HS3ST3A1: variants seen among roughly 807,000 people sequenced by gnomAD.
HS3ST3A1 encodes heparan sulfate-glucosamine 3-sulfotransferase 3A1.
A neutral mutation model predicts 25.7 loss-of-function variants in HS3ST3A1; 19 were observed. That is an observed-to-expected ratio of 0.74 (90% CI 0.52 to 1.08). The LOEUF (loss-of-function observed/expected upper bound fraction) is 1.08, where lower values mean the gene tolerates loss of function less well. Among genes scored for constraint, HS3ST3A1 ranks in the 50% least tolerant of loss-of-function variants. HS3ST3A1 has a pLI of 0.00. For missense variants in HS3ST3A1, 459 were observed against 594.3 expected (o/e 0.77, Z 2.37); for synonymous variants, 226 against 278.6 (o/e 0.81, Z 1.88).
intron 1 of HS3ST3A1, among the ~76,000 whole-genome samples, chr17:13,519,827 C>G (rs148731637): frequency 6.0e-4 from 91 of 152,134 alleles, no homozygotes; most frequent in Non-Finnish European, 4.9e-4. Flanking sequence ...TGATTGCTCA[C>G]CCCACATTAA....
intron 1 of HS3ST3A1, among the ~76,000 whole-genome samples, chr17:13,588,397 G>A (rs1908334490): frequency 6.6e-6 from 1 of 152,158 alleles, no homozygotes; most frequent in African/African-American, 2.4e-5. Context: ...AAGAATTGAA[G>A]TTTAGAATCC....
At position 13,496,893 on chromosome 17, in the gene HS3ST3A1, T is replaced by G. The variant is rs1029393426; in HGVS notation, c.600-75A>C. The G allele has an allele frequency of 1.3e-4, 205 of 1,540,706 alleles. 1 individual carries two copies. In the African/African-American group the frequency reaches 2.6e-3, roughly 20 times the overall value. ...CCAGGAGAGACTGTCAAGTACACGCTGGAGCCAGGCCGCAATTCCAGCCCC... is the reference window on the plus strand; with the variant it reads ...CCAGGAGAGACTGTCAAGTACACGCGGGAGCCAGGCCGCAATTCCAGCCCC... On this transcript the variant is annotated intron_variant, in intron 1 of 1. Transcript: ENST00000284110.
intron 1 of HS3ST3A1, among the ~76,000 whole-genome samples, chr17:13,564,193 A>G (rs1907619952): frequency 6.6e-6 from 1 of 152,212 alleles, no homozygotes. Flanking sequence ...ATGCTCAGCA[A>G]CATGCATTTT....
At chr17:13,497,263 G>A (rs934829783) in intron 1 of HS3ST3A1, among the ~76,000 whole-genome samples, 1 of 152,114 alleles carries the variant, frequency 6.6e-6, no homozygotes, top group Non-Finnish European at 1.5e-5. Flanking sequence ...TATAAACAAA[G>A]CAATCATATT....
In HS3ST3A1 at chr17:13,556,850, T is replaced by TTA. The variant is rs1567623096; in HGVS notation, c.599+43680_599+43681insTA. Among the ~76,000 whole-genome samples the TTA allele has an allele frequency of 2.4e-5, 3 of 124,920 alleles. 1 individual carries two copies. The highest frequency in any genetic ancestry group is 8.3e-5 in the Admixed American group (1 of 12,012). The allele number at this position is 124,920 out of a possible 152,430, so 82.0% of individuals were successfully genotyped here. On this transcript the variant is annotated intron_variant, in intron 1 of 1. Transcript: ENST00000284110. ...CTGGGCGAAAGAGCGAAACTCCGCC[T>TTA]AAAAAAAAAAAAAAAAGCAAGATGA... is the stretch of plus-strand genomic sequence containing the variant.
rs767510358 is a variant in HS3ST3A1 at position 13,494,173 on chromosome 17, G to A, written c.*2024C>T. Among the ~76,000 whole-genome samples, 1 of 152,204 alleles carries A rather than the reference G, an allele frequency of 6.6e-6. No homozygotes were observed. The highest frequency in any genetic ancestry group is 1.5e-5 in the Non-Finnish European group (1 of 68,032). ...AAAGAATCAGTTGTACAAACAAAATGAGCTAAGAGAAATGATGACAAGAGT... is the reference window on the plus strand; with the variant it reads ...AAAGAATCAGTTGTACAAACAAAATAAGCTAAGAGAAATGATGACAAGAGT... On this transcript the variant is annotated 3_prime_UTR_variant, in exon 2 of 2. Transcript: ENST00000284110.
At chr17:13,579,624 T>C (rs1041391382) in intron 1 of HS3ST3A1, among the ~76,000 whole-genome samples, 5 of 145,162 alleles carry the variant, frequency 3.4e-5, no homozygotes, top group African/African-American at 7.7e-5. Flanking sequence ...TTGGTTGAAC[T>C]TGGGAGGCGG....
chr17:13,500,215 A>G (rs917965008), intron 1 of HS3ST3A1, among the ~76,000 whole-genome samples: 69 of 152,362 alleles, frequency 4.5e-4, no homozygotes, highest in Admixed American at 1.3e-3. Context: ...CAAAATGTCT[A>G]TAACTTGGAA....
chr17:13,527,163 G>C (rs1181689883), intron 1 of HS3ST3A1, among the ~76,000 whole-genome samples: 1 of 152,098 alleles, frequency 6.6e-6, no homozygotes, highest in Non-Finnish European at 1.5e-5. Context: ...CAGACAGCCT[G>C]GGTCTGCACT....
chr17:13,576,460 G>A (rs147576645), intron 1 of HS3ST3A1, among the ~76,000 whole-genome samples: 60 of 152,306 alleles, frequency 3.9e-4, no homozygotes, highest in Middle Eastern at 6.8e-3. Flanking sequence ...GACAGAGAAC[G>A]CACTCAAGAC....
At chr17:13,583,605 AT>A (rs972247796) in intron 1 of HS3ST3A1, among the ~76,000 whole-genome samples, 21 of 152,252 alleles carry the variant, frequency 1.4e-4, no homozygotes, top group African/African-American at 4.8e-4. Flanking sequence ...CTACCCTTAG[AT>A]TTTTTTATCA....
chr17:13,509,180 A>G (rs1220913280), intron 1 of HS3ST3A1, among the ~76,000 whole-genome samples: 2 of 152,198 alleles, frequency 1.3e-5, no homozygotes, highest in East Asian at 1.9e-4. Context: ...GCCTTCAGTA[A>G]TAAGTGCCCA....
At chr17:13,542,776 G>T (rs571688273) in intron 1 of HS3ST3A1, among the ~76,000 whole-genome samples, 3 of 152,242 alleles carry the variant, frequency 2.0e-5, no homozygotes, top group Non-Finnish European at 2.9e-5. Flanking sequence ...CCTCAGGATG[G>T]GGGATGGTTG....
At chr17:13,588,231 C>G (rs1407795215) in intron 1 of HS3ST3A1, among the ~76,000 whole-genome samples, 1 of 151,998 alleles carries the variant, frequency 6.6e-6, no homozygotes, top group Non-Finnish European at 1.5e-5. Context: ...ACTGTACCAC[C>G]CACAAAACCT....
intron 1 of HS3ST3A1, 84 bp downstream of exon 1, chr17:13,600,447 G>A (rs1031246644): frequency 6.9e-7 from 1 of 1,440,774 alleles, no homozygotes; most frequent in African/African-American, 1.5e-5. Context: ...AGGGCGAACT[G>A]GGGGTCACCG....
Position 13,526,000 on chromosome 17 carries a change from G to A in HS3ST3A1, c.600-29182C>T, listed in dbSNP as rs76748302. Among the ~76,000 whole-genome samples the A allele has an allele frequency of 2.6e-3, 399 of 152,210 alleles. 4 individuals carry two copies. The highest frequency in any genetic ancestry group is 9.1e-3 in the African/African-American group (380 of 41,550). On this transcript the variant is annotated intron_variant, in intron 1 of 1. Coordinates refer to ENST00000284110, the MANE Select transcript of HS3ST3A1 (RefSeq NM_006042.3). ...GGCTGGCTGCACTAAGCCCCCAGCT[G>A]TACTTGACATGATATCCTAGGAGAC...
intron 1 of HS3ST3A1, among the ~76,000 whole-genome samples, chr17:13,542,664 C>T (rs1335366898): frequency 2.0e-5 from 3 of 151,944 alleles, no homozygotes; most frequent in East Asian, 1.9e-4. Context: ...ATTTGGTCTT[C>T]CTGTTTCCTG....
In HS3ST3A1 at chr17:13,523,650, C is replaced by T. The variant is rs189914686; in HGVS notation, c.600-26832G>A. Among the ~76,000 whole-genome samples the T allele has an allele frequency of 4.6e-5, 7 of 152,150 alleles. No individual in the cohort carries two copies. In the East Asian group the frequency reaches 1.2e-3, roughly 25 times the overall value. ...AAAATAGATAAGAGTTAGTTTTACA[C>T]GGAAAAATCTCCAATAGTTTTCTCT... On this transcript the variant is annotated intron_variant, in intron 1 of 1. Transcript: ENST00000284110.
At chr17:13,562,567 C>A (rs1034915381) in intron 1 of HS3ST3A1, among the ~76,000 whole-genome samples, 1 of 150,998 alleles carries the variant, frequency 6.6e-6, no homozygotes, top group African/African-American at 2.4e-5. Flanking sequence ...GAAACAGTAT[C>A]CTGATGGAAG....
Sources: gnomAD v4.1 joint callset for allele counts (sites outside exome capture counted in the v4.1 genomes callset) on GRCh38, gnomAD v4.1.1 for gene constraint, MANE v1.5 for transcripts, NCBI Gene and HGNC (gene_info 2026-07-23, HGNC 2026-07-21) for gene names.